The following RAI14 variants were observed in gnomAD, a reference collection of about 807,000 sequenced individuals.
The protein encoded by RAI14 is ankycorbin.
Under a neutral mutation model 115.4 loss-of-function variants are expected in RAI14, and 45 were observed. The observed-to-expected ratio is 0.39, with a 90% CI of 0.31 to 0.50. The LOEUF is 0.50. RAI14 is among the 20% of genes least tolerant of loss of function. RAI14 has a pLI of 0.85. For missense variants in RAI14, 939 were observed against 1,131.2 expected (o/e 0.83, Z 2.44); for synonymous variants, 371 against 415.4 (o/e 0.89, Z 1.30).
intron 2 of RAI14, among the ~76,000 whole-genome samples, chr5:34,698,914 G>A (rs1739689351): frequency 6.6e-6 from 1 of 152,126 alleles, no homozygotes; most frequent in Admixed American, 6.6e-5. Context: ...GAGTGTGCGT[G>A]GGGATGAAGA....
intron 1 of RAI14, among the ~76,000 whole-genome samples, chr5:34,670,537 G>A (rs1743542441): frequency 6.6e-6 from 1 of 152,130 alleles, no homozygotes; most frequent in African/African-American, 2.4e-5. Flanking sequence ...CATTGCTAAT[G>A]TCATCATGCT....
chr5:34,742,718 C>T (rs566848937), intron 2 of RAI14, among the ~76,000 whole-genome samples: 26 of 152,194 alleles, frequency 1.7e-4, no homozygotes, highest in Non-Finnish European at 3.1e-4. Flanking sequence ...GGTTGGAGTG[C>T]AGTGGTGCGA....
At position 34,686,797 on chromosome 5, in the gene RAI14, G is replaced by T; in HGVS notation, c.-48-75G>T. ...CAACCCTGCTCTGTCTCCTTCCCAT[G>T]ACCCAAGTTGTAATCCAATCAGGAG... On this transcript the variant is annotated intron_variant, in intron 1 of 17. Coordinates refer to ENST00000265109, the MANE Select transcript of RAI14 (RefSeq NM_015577.3). The T allele has an allele frequency of 3.2e-6, 3 of 924,900 alleles. No homozygotes were observed. The South Asian group carries it at 5.5e-5, about 17-fold the overall frequency. 57.3% of individuals were successfully genotyped at this position (924,900 alleles called of 1,614,324 possible).
intron 12 of RAI14, among the ~76,000 whole-genome samples, 180 bp downstream of exon 12, chr5:34,814,849 G>A (rs1756014446): frequency 6.6e-6 from 1 of 152,046 alleles, no homozygotes; most frequent in African/African-American, 2.4e-5. Context: ...GCAAGAATGT[G>A]TACAGCTAGT....
chr5:34,764,534 A>ATT (rs139263032), intron 3 of RAI14, among the ~76,000 whole-genome samples: 19 of 89,648 alleles, frequency 2.1e-4, no homozygotes, highest in African/African-American at 8.6e-4. Context: ...GCACAGGTGA[A>ATT]TTTTCTCTCT....
intron 2 of RAI14, among the ~76,000 whole-genome samples, chr5:34,724,409 A>G (rs1468632819): frequency 1.3e-5 from 2 of 152,204 alleles, no homozygotes; most frequent in Admixed American, 6.5e-5. Context: ...TTTGGTTATT[A>G]AAGTATGCCC....
intron 2 of RAI14, among the ~76,000 whole-genome samples, chr5:34,695,662 A>G (rs927835253): frequency 6.6e-6 from 1 of 152,370 alleles, no homozygotes. Context: ...GGATTAAATG[A>G]ATAGAATAAA....
chr5:34,799,493 GACACACACACAC>G lies in RAI14; in HGVS notation c.256+3502_256+3513del, dbSNP rs780186006. On this transcript the variant is annotated intron_variant, in intron 4 of 17. Coordinates refer to ENST00000265109, the MANE Select transcript of RAI14 (RefSeq NM_015577.3). The stretch of plus-strand genomic sequence containing the variant: ...TTGAAAAAAACAAAACACACACACA[GACACACACACAC>G]ACACACACACACACACACACACACA... Among the ~76,000 whole-genome samples, 1,197 of 124,096 alleles carry G rather than the reference GACACACACACAC, an allele frequency of 9.6e-3. 31 individuals carry two copies. Among genetic ancestry groups the G allele is most frequent in the African/African-American group, 0.031 (1,089 of 34,868 alleles). The allele number at this position is 124,096 out of a possible 152,430, so 81.4% of individuals were successfully genotyped here.
chr5:34,699,394 C>T (rs1003958013), intron 2 of RAI14, among the ~76,000 whole-genome samples: 4 of 152,130 alleles, frequency 2.6e-5, no homozygotes, highest in African/African-American at 4.8e-5. Flanking sequence ...AAGAATCAGC[C>T]GTGTCTCTCC....
chr5:34,676,429 G>T (rs2149864173), intron 1 of RAI14, among the ~76,000 whole-genome samples: 1 of 152,338 alleles, frequency 6.6e-6, no homozygotes, highest in Middle Eastern at 3.4e-3. Context: ...TAATTGCATG[G>T]AGTTTCTTAG....
chr5:34,716,316 A>T (rs534017057), intron 2 of RAI14: 6 of 215,542 alleles, frequency 2.8e-5, no homozygotes, highest in African/African-American at 1.2e-4. Flanking sequence ...CTCCTGGGTC[A>T]GCTGATCTGC....
chr5:34,780,639 C>A (rs1304662268), intron 3 of RAI14, among the ~76,000 whole-genome samples: 6 of 152,104 alleles, frequency 3.9e-5, no homozygotes, highest in Non-Finnish European at 8.8e-5. Context: ...TCATCACTGG[C>A]CATCAGAGAA....
At chr5:34,688,016 A>G (rs1738066403) in intron 2 of RAI14, 1 of 1,341,190 alleles carries the variant, frequency 7.5e-7, no homozygotes, top group African/African-American at 1.5e-5. Context: ...CACTTAAAGA[A>G]AGAACTGGGA....
intron 2 of RAI14, among the ~76,000 whole-genome samples, chr5:34,732,439 A>AT (rs369302342): frequency 0.024 from 3,198 of 133,866 alleles, 113 homozygotes; most frequent in African/African-American, 0.069. Context: ...ACCATGCTTG[A>AT]TTTTTTTTTT....
chr5:34,681,533 C>G (rs1326391421), intron 1 of RAI14, among the ~76,000 whole-genome samples: 2 of 152,140 alleles, frequency 1.3e-5, no homozygotes, highest in Non-Finnish European at 2.9e-5. Context: ...CTCACTCTTT[C>G]ATCCAGGCTG....
rs1180512528 is a variant in RAI14, at chr5:34,821,764, G to A, written c.1027G>A (p.Ala343Thr). ...ADSLLDISSE[A>T]DQQDLLSLLQ... ...TAGCTTATTGGATATAAGTTCTGAA[G>A]CTGACCAACAAGATCTTCTCTCTCT... Residue 343 changes from alanine (A) to threonine (T), a missense_variant, in exon 14 of 18, where the codon GCT becomes ACT. Ala to Thr is a moderately conservative substitution (Grantham distance 58). Coordinates refer to ENST00000265109, the MANE Select transcript of RAI14 (RefSeq NM_015577.3). 6.2e-7 allele frequency: 1 copy of A among 1,612,004 alleles called. No individual in the cohort carries two copies. The highest frequency in any genetic ancestry group is 8.5e-7 in the Non-Finnish European group (1 of 1,178,554).
At chr5:34,752,908 C>T (rs1467248944) in intron 2 of RAI14, among the ~76,000 whole-genome samples, 1 of 151,698 alleles carries the variant, frequency 6.6e-6, no homozygotes, top group African/African-American at 2.4e-5. Context: ...GCTGGGATCA[C>T]AGGCACGAGC....
chr5:34,707,823 TAGAC>T (rs781550191), intron 2 of RAI14, among the ~76,000 whole-genome samples: 6 of 152,176 alleles, frequency 3.9e-5, no homozygotes, highest in Non-Finnish European at 8.8e-5. Flanking sequence ...TTCCTTGAAA[TAGAC>T]AGTTATTTTT....
intron 2 of RAI14, among the ~76,000 whole-genome samples, chr5:34,698,362 G>A (rs892092781): frequency 6.6e-6 from 1 of 151,538 alleles, no homozygotes; most frequent in African/African-American, 2.4e-5. Context: ...GGTTACCCCT[G>A]GTGCCTAGCA....
Sources: allele counts gnomAD v4.1 joint callset (sites outside exome capture counted in the v4.1 genomes callset), GRCh38; gene constraint gnomAD v4.1.1; transcripts MANE v1.5; gene names NCBI Gene and HGNC (gene_info 2026-07-23, HGNC 2026-07-21).